SCML4: variants seen among roughly 807,000 people sequenced by gnomAD.
SCML4 encodes Scm polycomb group protein like 4.
Under a neutral mutation model 41.1 loss-of-function variants are expected in SCML4, and 34 were observed. That is an observed-to-expected ratio of 0.83 (90% CI 0.63 to 1.10). The LOEUF (loss-of-function observed/expected upper bound fraction) is 1.10. Among genes scored for constraint, SCML4 ranks in the 50% least tolerant of loss-of-function variants. The pLI is 0.00. For missense variants in SCML4, 522 were observed against 534.1 expected (o/e 0.98, Z 0.22); for synonymous variants, 214 against 220.9 (o/e 0.97, Z 0.28).
chr6:107,718,474 CAT>C (rs1405807012), intron 6 of SCML4: 1 of 152,210 alleles, frequency 6.6e-6, no homozygotes, highest in African/African-American at 2.4e-5. Context: ...AGAACAGACT[CAT>C]ACACAGGAGA....
intron 2 of SCML4, 90 bp from the exon 3 acceptor site, chr6:107,749,903 C>T: frequency 2.2e-6 from 3 of 1,350,094 alleles, no homozygotes; most frequent in South Asian, 1.2e-5. Flanking sequence ...TTAACCATTG[C>T]TCTTCTATCA....
rs1783624296 is a variant in SCML4 at position 107,805,081 on chromosome 6, G to T, written c.-60+19045C>A. Reference sequence around the variant, plus strand: ...TGCTGGAGGCATTCCTACCTATTTTGCAGGTGAGGAAAAAATGGCTATAGG... The same window carrying T: ...TGCTGGAGGCATTCCTACCTATTTTTCAGGTGAGGAAAAAATGGCTATAGG... On this transcript the variant is annotated intron_variant, in intron 1 of 7. Coordinates refer to ENST00000369020, the MANE Select transcript of SCML4 (RefSeq NM_198081.5). Among the ~76,000 whole-genome samples the T allele has an allele frequency of 5.3e-5, 8 of 152,280 alleles. No individual in the cohort carries two copies. The South Asian group carries it at 1.7e-3, about 32-fold the overall frequency.
intron 5 of SCML4, among the ~76,000 whole-genome samples, chr6:107,724,366 T>C (rs967733507): frequency 6.6e-6 from 1 of 152,180 alleles, no homozygotes; most frequent in Admixed American, 6.5e-5. Context: ...AGTACAACTA[T>C]CTCTTATGTG....
chr6:107,740,201 G>T (rs1419812237), intron 5 of SCML4: 1 of 469,832 alleles, frequency 2.1e-6, no homozygotes, highest in Admixed American at 2.4e-5. Context: ...CTCAGTTTTA[G>T]CTGAGCTGCA....
intron 1 of SCML4, among the ~76,000 whole-genome samples, chr6:107,803,570 C>G (rs930732301): frequency 2.0e-5 from 3 of 146,840 alleles, no homozygotes; most frequent in East Asian, 2.0e-4. Flanking sequence ...TCATTGAGAA[C>G]GGGCCATGAT....
intron 2 of SCML4, among the ~76,000 whole-genome samples, chr6:107,760,764 A>G (rs1779517325): frequency 1.3e-5 from 2 of 152,212 alleles, no homozygotes; most frequent in Non-Finnish European, 2.9e-5. Context: ...ACACACAGCA[A>G]TGAAGCCCCC....
intron 1 of SCML4, among the ~76,000 whole-genome samples, chr6:107,813,711 C>T (rs1041068274): frequency 6.6e-6 from 1 of 152,078 alleles, no homozygotes; most frequent in African/African-American, 2.4e-5. Flanking sequence ...GGTTATCAGT[C>T]GCTGCTTTAA....
chr6:107,755,672 A>G, intron 2 of SCML4: 1 of 1,291,192 alleles, frequency 7.7e-7, no homozygotes. Context: ...TTTCTAAAAA[A>G]AAAAAAAAAG....
chr6:107,736,045 T>C (rs1051105195), intron 5 of SCML4, among the ~76,000 whole-genome samples: 1 of 152,036 alleles, frequency 6.6e-6, no homozygotes, highest in African/African-American at 2.4e-5. Flanking sequence ...GTAGGCTACT[T>C]GTGTGGGTTT....
At chr6:107,713,515 T>C (rs911259100) in intron 6 of SCML4, among the ~76,000 whole-genome samples, 1 of 152,244 alleles carries the variant, frequency 6.6e-6, no homozygotes, top group African/African-American at 2.4e-5. Context: ...CAGCCAGGCT[T>C]CCCGTCCCTC....
At chr6:107,832,334 G>C in the SCML4 span, among the ~76,000 whole-genome samples, 2 of 152,208 alleles carry the variant, frequency 1.3e-5, no homozygotes, top group African/African-American at 4.8e-5. Context: ...TGTCACCAAA[G>C]ATCTGGTCTG....
the SCML4 span, among the ~76,000 whole-genome samples, chr6:107,841,452 C>T: frequency 6.6e-6 from 1 of 152,350 alleles, no homozygotes; most frequent in South Asian, 2.1e-4. Context: ...GGGGAAATAG[C>T]TTCTTCCGTC....
upstream of SCML4, among the ~76,000 whole-genome samples, chr6:107,825,798 G>A (rs541353404): frequency 6.7e-4 from 102 of 151,934 alleles, no homozygotes; most frequent in South Asian, 1.7e-3. Flanking sequence ...TTAGCTGGGC[G>A]TGGTGGCGGG....
chr6:107,765,091 A>G (rs1041607023), intron 2 of SCML4, among the ~76,000 whole-genome samples: 4 of 152,236 alleles, frequency 2.6e-5, no homozygotes, highest in Non-Finnish European at 4.4e-5. Context: ...AAAAACATCT[A>G]TCCATGACAG....
chr6:107,733,021 C>T (rs1003605769), intron 5 of SCML4, among the ~76,000 whole-genome samples: 1 of 152,148 alleles, frequency 6.6e-6, no homozygotes, highest in Non-Finnish European at 1.5e-5. Flanking sequence ...ACCCATCTGG[C>T]AACAAACCAA....
chr6:107,800,043 G>A (rs5878939), intron 1 of SCML4, among the ~76,000 whole-genome samples: 1 of 151,084 alleles, frequency 6.6e-6, no homozygotes, highest in Non-Finnish European at 1.5e-5. Flanking sequence ...AGATGGGGGG[G>A]TCTGAATTTG....
chr6:107,767,487 C>T (rs958304445), intron 2 of SCML4, among the ~76,000 whole-genome samples: 3 of 152,164 alleles, frequency 2.0e-5, no homozygotes, highest in African/African-American at 2.4e-5. Context: ...TCTTGTTACA[C>T]AGGGCAAAGA....
At chr6:107,839,385 GAA>G in the SCML4 span, among the ~76,000 whole-genome samples, 1 of 141,514 alleles carries the variant, frequency 7.1e-6, no homozygotes, top group Non-Finnish European at 1.5e-5. Flanking sequence ...AAGAAAGAAA[GAA>G]AGAAAGAAAG....
chr6:107,813,795 G>A (rs1193424379), intron 1 of SCML4, among the ~76,000 whole-genome samples: 10 of 152,220 alleles, frequency 6.6e-5, no homozygotes, highest in East Asian at 1.9e-4. Flanking sequence ...GCTTGCCTGG[G>A]CAGTTTGTCT....
Sources: allele counts gnomAD v4.1 joint callset (sites outside exome capture counted in the v4.1 genomes callset), GRCh38; gene constraint gnomAD v4.1.1; transcripts MANE v1.5; gene names NCBI Gene and HGNC (gene_info 2026-07-23, HGNC 2026-07-21).